Variants in PAX3 observed in about 807,000 individuals in gnomAD.
PAX3 encodes paired box 3, also known as paired box protein Pax-3.
Under a neutral mutation model 51.6 loss-of-function variants are expected in PAX3, and 14 were observed. The ratio of observed to expected loss-of-function variants is 0.27; its 90% confidence interval spans 0.18 to 0.42. The LOEUF (loss-of-function observed/expected upper bound fraction) is 0.42, where lower values mean the gene tolerates loss of function less well. Among genes scored for constraint, PAX3 ranks in the 10% least tolerant of loss-of-function variants. PAX3 has a pLI of 1.00. For synonymous variants in PAX3, 280 were observed against 253.4 expected (o/e 1.11, Z -1.00); for missense variants, 540 against 642.8 (o/e 0.84, Z 1.73).
intron 7 of PAX3, among the ~76,000 whole-genome samples, chr2:222,218,949 C>T (rs1430589109): frequency 1.3e-5 from 2 of 152,122 alleles, no homozygotes; most frequent in African/African-American, 2.4e-5. Context: ...TCAACTCCTC[C>T]GGCTTTGAAC....
chr2:222,271,989 G>A (rs1179309385), intron 4 of PAX3, among the ~76,000 whole-genome samples: 1 of 152,188 alleles, frequency 6.6e-6, no homozygotes, highest in Non-Finnish European at 1.5e-5. Context: ...GATGCCTGCT[G>A]GACCTCTCTC....
chr2:222,275,439 CAA>C (rs11345696), intron 4 of PAX3, among the ~76,000 whole-genome samples: 1 of 148,098 alleles, frequency 6.8e-6, no homozygotes, highest in Non-Finnish European at 1.5e-5. Flanking sequence ...TTGTCTAGAA[CAA>C]AAAAAAAACC....
intron 4 of PAX3, among the ~76,000 whole-genome samples, chr2:222,254,919 A>G (rs1693581311): frequency 6.6e-6 from 1 of 152,096 alleles, no homozygotes; most frequent in Non-Finnish European, 1.5e-5. Context: ...AGTAGCTGGT[A>G]TTACAGGCAT....
chr2:222,295,135 A>G (rs1695225559), intron 3 of PAX3, among the ~76,000 whole-genome samples: 1 of 151,956 alleles, frequency 6.6e-6, no homozygotes, highest in Non-Finnish European at 1.5e-5. Flanking sequence ...GGAAGCCTCC[A>G]CGGCTTTGCG....
At chr2:222,253,209 C>T (rs16863573) in intron 4 of PAX3, among the ~76,000 whole-genome samples, 17,647 of 152,122 alleles carry the variant, frequency 0.12, 1,255 homozygotes, top group East Asian at 0.32. Context: ...GGTATGGCTC[C>T]CAGATTCCCT....
At chr2:222,283,171 T>C (rs1423431186) in intron 4 of PAX3, among the ~76,000 whole-genome samples, 1 of 152,246 alleles carries the variant, frequency 6.6e-6, no homozygotes, top group African/African-American at 2.4e-5. Flanking sequence ...GTTAAATAAG[T>C]CATCCTTTGC....
chr2:222,281,902 C>A (rs1694660132), intron 4 of PAX3, among the ~76,000 whole-genome samples: 1 of 152,200 alleles, frequency 6.6e-6, no homozygotes, highest in African/African-American at 2.4e-5. Context: ...ATTGAGGGCA[C>A]CTTGCTAGCC....
intron 4 of PAX3, among the ~76,000 whole-genome samples, chr2:222,278,205 C>A (rs114319689): frequency 0.021 from 3,174 of 152,208 alleles, 39 homozygotes; most frequent in Middle Eastern, 0.088. Flanking sequence ...TGATTTGTTT[C>A]TAAGGATCTC....
chr2:222,274,213 C>T (rs905493563), intron 4 of PAX3, among the ~76,000 whole-genome samples: 1 of 151,940 alleles, frequency 6.6e-6, no homozygotes, highest in Non-Finnish European at 1.5e-5. Flanking sequence ...GTCTCTAAGC[C>T]CTGTTATACA....
At chr2:222,278,380 G>A (rs1694506666) in intron 4 of PAX3, among the ~76,000 whole-genome samples, 1 of 152,096 alleles carries the variant, frequency 6.6e-6, no homozygotes, top group Non-Finnish European at 1.5e-5. Context: ...TCAGACCTCT[G>A]ACAACTGTCC....
rs758760102 is a variant in PAX3, at chr2:222,220,275, G to A, written c.1038C>T (p.Ser346=). 4.3e-6 allele frequency: 7 copies of A among 1,613,946 alleles called. No individual in the cohort carries two copies. In the African/African-American group the frequency reaches 9.3e-5, roughly 22 times the overall value. The part of the protein sequence containing the change: ...PSTVHQSTIP[S]NPDSSSAYCL... ...AGTAGGCAGAGCTGCTGTCTGGGTT[G>A]GAAGGAATCGTGCTTTGGTGTACAG... The change falls in exon 7 of 9, where the codon TCC becomes TCT. Residue 346 remains serine (S), a synonymous_variant. Transcript: ENST00000392070.
At chr2:222,231,371 T>C (rs1413186531) in intron 5 of PAX3, among the ~76,000 whole-genome samples, 1 of 152,254 alleles carries the variant, frequency 6.6e-6, no homozygotes, top group African/African-American at 2.4e-5. Flanking sequence ...TCATTAATGA[T>C]GAAAACATTA....
chr2:222,215,554 G>T (rs551816966), intron 7 of PAX3, among the ~76,000 whole-genome samples: 1 of 152,046 alleles, frequency 6.6e-6, no homozygotes, highest in South Asian at 2.1e-4. Flanking sequence ...TGGGGGTTTG[G>T]CTATGTGTGT....
In PAX3 at chr2:222,201,551, G is replaced by A. The variant is rs567840109; in HGVS notation, c.1421-109C>T. On this transcript the variant is annotated intron_variant, in intron 8 of 8. Transcript: ENST00000392070. ...CATATTTAATACCGTGCTATCAAAGGCTTGAGACTAATATTTTTATTCCTG... is the reference window on the plus strand; with the variant it reads ...CATATTTAATACCGTGCTATCAAAGACTTGAGACTAATATTTTTATTCCTG... The A allele has an allele frequency of 2.8e-6, 4 of 1,446,530 alleles. No individual in the cohort carries two copies. The South Asian group carries it at 4.6e-5, about 17-fold the overall frequency. 89.6% of individuals were successfully genotyped at this position (1,446,530 alleles called of 1,614,324 possible).
Position 222,256,044 on chromosome 2 carries a change from T to G in PAX3, c.587-23761A>C, listed in dbSNP as rs372571363. Among the ~76,000 whole-genome samples, 189 of 151,500 alleles carry G rather than the reference T, an allele frequency of 1.2e-3. 2 individuals carry two copies. In the South Asian group the frequency reaches 0.027, roughly 21 times the overall value. On this transcript the variant is annotated intron_variant, in intron 4 of 8. Coordinates refer to ENST00000392070, the MANE Select transcript of PAX3 (RefSeq NM_181458.4). ...TTGCCCTCCCATGGTGCTGGGATTA[T>G]AGGCGTGAGCCACCACGCCCAGCCC... is the stretch of plus-strand genomic sequence containing the variant.
intron 4 of PAX3, among the ~76,000 whole-genome samples, chr2:222,245,367 T>C (rs1038235707): frequency 6.6e-6 from 1 of 152,224 alleles, no homozygotes; most frequent in Non-Finnish European, 1.5e-5. Context: ...CTTCTCTATG[T>C]CTACTGATAT....
intron 4 of PAX3, among the ~76,000 whole-genome samples, chr2:222,258,650 C>T (rs887860531): frequency 6.6e-6 from 1 of 152,158 alleles, no homozygotes; most frequent in African/African-American, 2.4e-5. Context: ...AACTGACATG[C>T]ATCTATATGC....
At chr2:222,262,113 T>G (rs1693883548) in intron 4 of PAX3, among the ~76,000 whole-genome samples, 1 of 152,254 alleles carries the variant, frequency 6.6e-6, no homozygotes, top group Non-Finnish European at 1.5e-5. Context: ...CTCATATGTT[T>G]GGCTTCTTTT....
chr2:222,205,121 T>C (rs368172155), intron 7 of PAX3, among the ~76,000 whole-genome samples: 2 of 152,318 alleles, frequency 1.3e-5, no homozygotes, highest in South Asian at 2.1e-4. Flanking sequence ...GAAGCAACTT[T>C]TGGCAGTCGC....
Sources: gnomAD v4.1 joint callset for allele counts (sites outside exome capture counted in the v4.1 genomes callset) on GRCh38, gnomAD v4.1.1 for gene constraint, MANE v1.5 for transcripts, NCBI Gene and HGNC (gene_info 2026-07-23, HGNC 2026-07-21) for gene names.